NPEPPS: variants seen among roughly 807,000 people sequenced by gnomAD.
The protein encoded by NPEPPS is aminopeptidase puromycin sensitive, also known as puromycin-sensitive aminopeptidase.
A neutral mutation model predicts 115.5 loss-of-function variants in NPEPPS; 14 were observed. That is an observed-to-expected ratio of 0.12 (90% CI 0.08 to 0.19). The LOEUF (loss-of-function observed/expected upper bound fraction) is 0.19. Among genes scored for constraint, NPEPPS ranks in the 10% least tolerant of loss-of-function variants. The pLI, the probability that NPEPPS is intolerant of heterozygous loss-of-function variation, is 1.00. For synonymous variants in NPEPPS, 285 were observed against 390.6 expected, an observed-to-expected ratio of 0.73 and a Z score of 3.19; for missense variants, 523 against 1,110.8, an observed-to-expected ratio of 0.47 and a Z score of 7.52.
At chr17:47,583,265 T>G (rs1231426800) in intron 5 of NPEPPS, among the ~76,000 whole-genome samples, 12 of 152,142 alleles carry the variant, frequency 7.9e-5, no homozygotes, top group Admixed American at 5.2e-4. Flanking sequence ...AATTGACAAG[T>G]TTAATAGATT....
chr17:47,559,089 G>T (rs1293108672), intron 2 of NPEPPS, among the ~76,000 whole-genome samples: 2 of 151,712 alleles, frequency 1.3e-5, no homozygotes, highest in Admixed American at 1.3e-4. Flanking sequence ...TGTCACCCAG[G>T]CCAGAGTGCA....
intron 17 of NPEPPS, among the ~76,000 whole-genome samples, chr17:47,609,538 G>A (rs931342582): frequency 6.6e-6 from 1 of 152,190 alleles, no homozygotes; most frequent in Non-Finnish European, 1.5e-5. Flanking sequence ...TCACAACAAT[G>A]TGTAGTTATC....
chr17:47,531,641 G>A (rs1358830132), intron 1 of NPEPPS, 86 bp downstream of exon 1: 3 of 1,411,980 alleles, frequency 2.1e-6, no homozygotes, highest in African/African-American at 3.1e-5. Context: ...CCGGCCGGGA[G>A]GGCGGGCGGG....
chr17:47,615,865 A>G (rs1035403361), intron 19 of NPEPPS, among the ~76,000 whole-genome samples: 3 of 152,250 alleles, frequency 2.0e-5, no homozygotes, highest in Admixed American at 1.3e-4. Flanking sequence ...CTATGGAAAT[A>G]GCTCTAATGA....
At chr17:47,596,786 G>A (rs1242398170) in intron 13 of NPEPPS, among the ~76,000 whole-genome samples, 3 of 152,154 alleles carry the variant, frequency 2.0e-5, no homozygotes, top group African/African-American at 4.8e-5. Context: ...GGTGGCTCAC[G>A]CCTGTAATCC....
At chr17:47,535,535 G>A (rs577328106) in intron 1 of NPEPPS, among the ~76,000 whole-genome samples, 3 of 140,516 alleles carry the variant, frequency 2.1e-5, no homozygotes, top group Non-Finnish European at 4.6e-5. Context: ...GGGTGACAGA[G>A]CGAGGCTCCG....
In NPEPPS at chr17:47,586,533, C is replaced by T. The variant is rs144555022; in HGVS notation, c.980+135C>T. The T allele has an allele frequency of 1.3e-4, 97 of 730,080 alleles. No homozygotes were observed. In the African/African-American group the frequency reaches 1.6e-3, roughly 12 times the overall value. 45.2% of individuals were successfully genotyped at this position (730,080 alleles called of 1,614,324 possible). ...TTTTCTACCTTCCCCCACTTCCGTG[C>T]ACATTTCAAGAATGCAGATGGACAC... is the stretch of plus-strand genomic sequence containing the variant. On this transcript the variant is annotated intron_variant, in intron 8 of 22. Transcript: ENST00000322157.
At chr17:47,529,178 G>A (rs1198152959), upstream of NPEPPS, among the ~76,000 whole-genome samples, 2 of 152,134 alleles carry the variant, frequency 1.3e-5, no homozygotes, top group African/African-American at 4.8e-5. Flanking sequence ...AAAGAAATAT[G>A]AAGATTATGG....
intron 1 of NPEPPS, among the ~76,000 whole-genome samples, chr17:47,543,328 A>T (rs574363548): frequency 0.011 from 1,369 of 127,940 alleles, 9 homozygotes; most frequent in Non-Finnish European, 0.016. Flanking sequence ...TTTTTTTTTT[A>T]AATTTTTGAG....
At chr17:47,529,406 C>CTT (rs1235224440), upstream of NPEPPS, among the ~76,000 whole-genome samples, 19 of 128,712 alleles carry the variant, frequency 1.5e-4, no homozygotes, top group South Asian at 2.5e-4. Flanking sequence ...CCTGGGCCCA[C>CTT]TTTTTTTTTT....
chr17:47,607,576 T>C lies in NPEPPS; in HGVS notation c.2095+2024T>C, dbSNP rs34627019. ...TTGGGCAGGGGAACTTGATTTGATTTACTCGGCTTTCTGAAGAACAGACTA... is the reference window on the plus strand; with the variant it reads ...TTGGGCAGGGGAACTTGATTTGATTCACTCGGCTTTCTGAAGAACAGACTA... On this transcript the variant is annotated intron_variant, in intron 17 of 22. Transcript: ENST00000322157. 7.2e-5 allele frequency among the ~76,000 whole-genome samples: 11 copies of C among 152,324 alleles called. No homozygotes were observed. The East Asian group carries it at 2.1e-3, about 29-fold the overall frequency.
chr17:47,597,291 T>G (rs1223163880), intron 13 of NPEPPS, among the ~76,000 whole-genome samples: 2 of 152,142 alleles, frequency 1.3e-5, no homozygotes, highest in Non-Finnish European at 2.9e-5. Context: ...TTGGTATGAG[T>G]TATACTTCAA....
At chr17:47,532,046 C>T (rs1907823599) in intron 1 of NPEPPS, among the ~76,000 whole-genome samples, 1 of 151,966 alleles carries the variant, frequency 6.6e-6, no homozygotes, top group Non-Finnish European at 1.5e-5. Flanking sequence ...TCATTTGGGA[C>T]TCTGGCCGCC....
chr17:47,592,738 A>T, intron 12 of NPEPPS, 193 bp downstream of exon 12: 1 of 520,296 alleles, frequency 1.9e-6, no homozygotes, highest in Non-Finnish European at 3.4e-6. Context: ...CCAGAATCTG[A>T]AACTTTTTCT....
chr17:47,570,581 A>G (rs1911134081), intron 3 of NPEPPS, among the ~76,000 whole-genome samples: 1 of 152,228 alleles, frequency 6.6e-6, no homozygotes, highest in East Asian at 1.9e-4. Context: ...ATATGTTACT[A>G]TTGTTAGGTA....
Position 47,601,495 on chromosome 17 carries a change from A to T in NPEPPS, c.1601-113A>T. 3.7e-6 allele frequency: 4 copies of T among 1,085,366 alleles called. 1 individual carries two copies. The highest frequency in any genetic ancestry group is 5.5e-6 in the Non-Finnish European group (4 of 728,202). 67.2% of individuals were successfully genotyped at this position (1,085,366 alleles called of 1,614,324 possible). On this transcript the variant is annotated intron_variant, in intron 14 of 22. Transcript: ENST00000322157. Reference sequence around the variant, plus strand: ...AGAGTTCATGTACCACTAAGAATGAACTATTGACTTAACAGTTTGGCTTAG... The same window carrying T: ...AGAGTTCATGTACCACTAAGAATGATCTATTGACTTAACAGTTTGGCTTAG...
intron 21 of NPEPPS, chr17:47,619,503 G>C (rs2143990003): frequency 1.9e-6 from 1 of 538,812 alleles, no homozygotes; most frequent in East Asian, 3.3e-5. Context: ...GTGGTGAGCC[G>C]AGATGAGGTC....
intron 19 of NPEPPS, among the ~76,000 whole-genome samples, chr17:47,614,318 C>A (rs187819393): frequency 6.6e-6 from 1 of 152,120 alleles, no homozygotes; most frequent in Non-Finnish European, 1.5e-5. Context: ...AAGTCACTTT[C>A]TTTAAATTTT....
chr17:47,600,864 T>A (rs1033747767), intron 14 of NPEPPS, among the ~76,000 whole-genome samples: 1 of 152,148 alleles, frequency 6.6e-6, no homozygotes, highest in African/African-American at 2.4e-5. Context: ...CAATAAAAAT[T>A]AACCCTTCGA....
Sources: gnomAD v4.1 joint callset for allele counts (sites outside exome capture counted in the v4.1 genomes callset) on GRCh38, gnomAD v4.1.1 for gene constraint, MANE v1.5 for transcripts, NCBI Gene and HGNC (gene_info 2026-07-23, HGNC 2026-07-21) for gene names.